The following AP3D1 variants were observed in gnomAD, a reference collection of about 807,000 sequenced individuals.
AP3D1 encodes the protein adaptor related protein complex 3 subunit delta 1.
AP3D1 carries 51 observed loss-of-function variants against 147.6 expected under a neutral mutation model. That is an observed-to-expected ratio of 0.35 (90% CI 0.28 to 0.44). AP3D1 has a LOEUF of 0.44. Among genes scored for constraint, AP3D1 ranks in the 20% least tolerant of loss-of-function variants. The pLI, the probability that AP3D1 is intolerant of heterozygous loss-of-function variation, is 1.00. For missense variants in AP3D1, 1,421 were observed against 1,624.2 expected (o/e 0.87, Z 2.15); for synonymous variants, 760 against 663.0 (o/e 1.15, Z -2.25).
chr19:2,154,758 C>T (rs990065743), upstream of AP3D1, among the ~76,000 whole-genome samples: 48 of 152,362 alleles, frequency 3.2e-4, no homozygotes, highest in Middle Eastern at 6.8e-3. Context: ...GAGACCAAGA[C>T]AAATCTGGAC....
At chr19:2,160,093 C>G (rs1238726957) in intron 1 of AP3D1, among the ~76,000 whole-genome samples, 1 of 151,122 alleles carries the variant, frequency 6.6e-6, no homozygotes, top group Non-Finnish European at 1.5e-5. Context: ...TCATGATCTG[C>G]CCGCCTCAGC....
intron 9 of AP3D1, among the ~76,000 whole-genome samples, chr19:2,125,847 CAA>C (rs1232276863): frequency 1.4e-5 from 2 of 142,562 alleles, no homozygotes; most frequent in Non-Finnish European, 3.0e-5. Context: ...AAAAAAAAAA[CAA>C]AAGAGATGGG....
At chr19:2,124,626 G>A (rs1385594306) in intron 9 of AP3D1, among the ~76,000 whole-genome samples, 1 of 152,154 alleles carries the variant, frequency 6.6e-6, no homozygotes, top group Non-Finnish European at 1.5e-5. Context: ...TGGAAGCTAA[G>A]CTATGAGGAC....
At chr19:2,113,624 G>A (rs923764254) in intron 22 of AP3D1, among the ~76,000 whole-genome samples, 3 of 152,196 alleles carry the variant, frequency 2.0e-5, no homozygotes, top group Admixed American at 6.5e-5. Flanking sequence ...GAAGAGGGCC[G>A]GGGACAAAGC....
Position 2,109,460 on chromosome 19 carries a change from A to C in AP3D1, c.3351-253T>G, listed in dbSNP as rs2018202812. ...AAGCCATGGGATGGGCCCTCCTCCG[A>C]CAAGGACGGATGTCCTGTAGGAAGG... On this transcript the variant is annotated intron_variant, in intron 29 of 31. Transcript: ENST00000643116. The C allele has an allele frequency of 9.6e-6, 5 of 519,846 alleles. No homozygotes were observed. In the East Asian group the frequency reaches 1.0e-4, roughly 10 times the overall value. 32.2% of individuals were successfully genotyped at this position (519,846 alleles called of 1,614,324 possible).
At chr19:2,135,752 A>G (rs2019059257) in intron 4 of AP3D1, among the ~76,000 whole-genome samples, 1 of 152,138 alleles carries the variant, frequency 6.6e-6, no homozygotes, top group Non-Finnish European at 1.5e-5. Context: ...CTAAGTCCCC[A>G]GTGAGGTGCT....
intron 8 of AP3D1, among the ~76,000 whole-genome samples, chr19:2,128,531 C>G (rs2018832640): frequency 7.9e-6 from 1 of 126,582 alleles, no homozygotes; most frequent in African/African-American, 3.2e-5. Flanking sequence ...ACACTGCACC[C>G]CGTGGAGCCG....
Position 2,137,815 on chromosome 19 carries a change from G to A in AP3D1, c.193-8C>T, listed in dbSNP as rs1350186048. 1.2e-6 allele frequency: 2 copies of A among 1,613,546 alleles called. No individual in the cohort carries two copies. Among genetic ancestry groups the A allele is most frequent in the Non-Finnish European group, 1.7e-6 (2 of 1,179,750 alleles). ...GTATCCCAACATCTGTAACTGTTAA[G>A]GGACGCACAGGAAATTGCACTCACA... is the stretch of plus-strand genomic sequence containing the variant. On this transcript the variant is annotated splice_region_variant and splice_polypyrimidine_tract_variant and intron_variant, in intron 2 of 31. Transcript: ENST00000643116.
At chr19:2,109,387 C>A in intron 29 of AP3D1, 180 bp from the exon 30 acceptor site, 1 of 773,570 alleles carries the variant, frequency 1.3e-6, no homozygotes, top group South Asian at 2.0e-5. Flanking sequence ...GCCGTCACAC[C>A]CAGAAACTGA....
At chr19:2,162,955 A>G (rs901745536) in intron 1 of AP3D1, among the ~76,000 whole-genome samples, 1 of 152,078 alleles carries the variant, frequency 6.6e-6, no homozygotes, top group African/African-American at 2.4e-5. Context: ...ACAGTTAAAG[A>G]GATCTAACTT....
chr19:2,161,406 C>T (rs186011796), intron 1 of AP3D1, among the ~76,000 whole-genome samples: 1 of 151,944 alleles, frequency 6.6e-6, no homozygotes, highest in East Asian at 1.9e-4. Flanking sequence ...AGGTGATCCG[C>T]CCCCCTCAGC....
At chr19:2,114,045 C>G (rs747715539) in intron 22 of AP3D1, 80 bp downstream of exon 22, 22 of 1,487,994 alleles carry the variant, frequency 1.5e-5, no homozygotes, top group Non-Finnish European at 2.0e-5. Flanking sequence ...GCCATTTCCC[C>G]TGAGCTCACC....
intron 1 of AP3D1, among the ~76,000 whole-genome samples, chr19:2,159,580 G>A (rs2019678750): frequency 6.6e-6 from 1 of 152,034 alleles, no homozygotes; most frequent in African/African-American, 2.4e-5. Context: ...AGTAGAGACG[G>A]GGTTTCACCA....
At chr19:2,102,728 A>AAAATAAATAAAT in intron 31 of AP3D1, among the ~76,000 whole-genome samples, 1 of 129,644 alleles carries the variant, frequency 7.7e-6, no homozygotes, top group Non-Finnish European at 1.6e-5. Flanking sequence ...ACTGTCTCAA[A>AAAATAAATAAAT]AAATAAATAA....
intron 15 of AP3D1, 102 bp from the exon 16 acceptor site, chr19:2,117,469 GC>G: frequency 1.1e-5 from 14 of 1,298,822 alleles, no homozygotes; most frequent in Non-Finnish European, 1.3e-5. Flanking sequence ...TGACGTGTGG[GC>G]CCCCTGGTAC....
At chr19:2,155,567 A>G (rs1238680874), upstream of AP3D1, among the ~76,000 whole-genome samples, 3 of 145,600 alleles carry the variant, frequency 2.1e-5, no homozygotes, top group Non-Finnish European at 4.5e-5. Flanking sequence ...TTAAGTACCC[A>G]TCATACTCCC....
intron 1 of AP3D1, among the ~76,000 whole-genome samples, chr19:2,141,270 C>G (rs566048684): frequency 6.6e-6 from 1 of 152,178 alleles, no homozygotes; most frequent in South Asian, 2.1e-4. Context: ...CACTTCACCA[C>G]ACAGCAAGTG....
Position 2,110,242 on chromosome 19 carries a change from G to A in AP3D1, c.3176-18C>T. On this transcript the variant is annotated intron_variant, in intron 27 of 31. Transcript: ENST00000643116. ...GGAGACGCCTGGCGGGGGCGAGAGGGAGTGGGGCCTGAGACGCTGCGGGGG... is the reference window on the plus strand; with the variant it reads ...GGAGACGCCTGGCGGGGGCGAGAGGAAGTGGGGCCTGAGACGCTGCGGGGG... The A allele has an allele frequency of 6.2e-7, 1 of 1,609,026 alleles. No homozygotes were observed. Among genetic ancestry groups the A allele is most frequent in the Non-Finnish European group, 8.5e-7 (1 of 1,178,776 alleles).
At chr19:2,116,865 GCCACCCACA>G in intron 16 of AP3D1, 119 bp from the exon 17 acceptor site, 1 of 1,322,558 alleles carries the variant, frequency 7.6e-7, no homozygotes, top group African/African-American at 1.5e-5. Flanking sequence ...AGTGGGGCCT[GCCACCCACA>G]CAGGGCCAGC....
Sources: allele counts gnomAD v4.1 joint callset (sites outside exome capture counted in the v4.1 genomes callset), GRCh38; gene constraint gnomAD v4.1.1; transcripts MANE v1.5; gene names NCBI Gene and HGNC (gene_info 2026-07-23, HGNC 2026-07-21).